MACF1: variants seen among roughly 807,000 people sequenced by gnomAD.
MACF1 encodes microtubule-actin cross-linking factor 1.
In MACF1, 193 loss-of-function variants were observed where a neutral mutation model predicts 854.8. The ratio of observed to expected loss-of-function variants is 0.23; its 90% CI spans 0.20 to 0.25. The LOEUF (loss-of-function observed/expected upper bound fraction) is 0.25, where lower values mean the gene tolerates loss of function less well. MACF1 is among the 10% of genes least tolerant of loss of function. The probability of loss-of-function intolerance (pLI) is 1.00; values close to 1 mark genes in which losing one functional copy is unlikely to be tolerated. For missense variants in MACF1, 7,722 were observed against 8,929.1 expected (o/e 0.86, Z 5.45); for synonymous variants, 3,185 against 3,226.7 (o/e 0.99, Z 0.44).
Position 39,439,474 on chromosome 1 carries a change from A to C in MACF1, c.18421A>C (p.Ile6141Leu). The C allele has an allele frequency of 6.2e-7, 1 of 1,614,182 alleles. No individual in the cohort carries two copies. The highest frequency in any genetic ancestry group is 8.5e-7 in the Non-Finnish European group (1 of 1,179,968). Residue 6141 changes from isoleucine to leucine, a missense_variant, in exon 72 of 101, where the codon ATC (isoleucine) becomes CTC (leucine). Transcript: ENST00000564288. ...LESPGIDPSI[I>L]KQQVEAAETI... The stretch of plus-strand genomic sequence containing the variant: ...AAGCCCAGGCATTGATCCTTCCATC[A>C]TCAAACAACAGGTTGAAGCTGCTGA...
At chr1:39,407,608 T>C (rs745421656) in intron 58 of MACF1, among the ~76,000 whole-genome samples, 5 of 152,172 alleles carry the variant, frequency 3.3e-5, no homozygotes, top group Non-Finnish European at 7.4e-5. Context: ...GTAAAGCATT[T>C]TACCAGAGAA....
At chr1:39,406,756 A>AAAAAAAAAAAAAACAAC (rs746955922) in intron 58 of MACF1, among the ~76,000 whole-genome samples, 1 of 116,058 alleles carries the variant, frequency 8.6e-6, no homozygotes, top group African/African-American at 3.8e-5. Context: ...AAAAAAAAAA[A>AAAAAAAAAAAAAACAAC]AACATTCTTT....
At chr1:39,155,944 G>A (rs1643674906) in intron 2 of MACF1, among the ~76,000 whole-genome samples, 1 of 151,138 alleles carries the variant, frequency 6.6e-6, no homozygotes, top group African/African-American at 2.4e-5. Context: ...CTGGAGTGCA[G>A]TGGCGCGATC....
chr1:39,189,445 G>T (rs768701735), intron 2 of MACF1, among the ~76,000 whole-genome samples: 2 of 152,276 alleles, frequency 1.3e-5, no homozygotes, highest in Middle Eastern at 3.4e-3. Flanking sequence ...TATTAAATTT[G>T]TGATGGATAC....
At chr1:39,354,523 G>T (rs981552661) in intron 44 of MACF1, among the ~76,000 whole-genome samples, 53 of 152,224 alleles carry the variant, frequency 3.5e-4, no homozygotes, top group African/African-American at 1.2e-3. Flanking sequence ...TCATGCATCA[G>T]CCTCCCAAGT....
chr1:39,318,369 C>A, intron 29 of MACF1, 84 bp from the exon 30 acceptor site: 1 of 1,252,068 alleles, frequency 8.0e-7, no homozygotes, highest in Non-Finnish European at 1.1e-6. Flanking sequence ...CAGCTGGATA[C>A]ATGGGTTAAA....
Position 39,333,483 on chromosome 1 carries a change from C to T in MACF1, c.6895C>T (p.His2299Tyr). 6.2e-7 allele frequency: 1 copy of T among 1,614,148 alleles called. No individual in the cohort carries two copies. Among genetic ancestry groups the T allele is most frequent in the African/African-American group, 1.3e-5 (1 of 75,036 alleles). The change falls in exon 37 of 101, where the codon CAT becomes TAT. Residue 2299 changes from histidine to tyrosine, a missense_variant. Physicochemically the swap from His to Tyr is moderately conservative, Grantham distance 83 (BLOSUM62 2). Coordinates refer to ENST00000564288, the MANE Select transcript of MACF1 (RefSeq NM_001394062.1). ...SAQLLDGGIFHEQTGQKLLLN... is the reference protein window; with the variant it reads ...SAQLLDGGIFYEQTGQKLLLN... Reference sequence around the variant, plus strand: ...ACAGTTACTAGATGGTGGTATCTTTCATGAACAAACAGGTCAAAAGCTCTT... The same window carrying T: ...ACAGTTACTAGATGGTGGTATCTTTTATGAACAAACAGGTCAAAAGCTCTT...
Position 39,332,562 on chromosome 1 carries a change from C to G in MACF1, c.5974C>G (p.Leu1992Val), listed in dbSNP as rs749622327. ...GTTAGATAAAGAGCTGATGGAGACA[C>G]TAACATCCAGAGATGAGTATCAAAC... ...LLLDKELMET[L>V]TSRDEYQTSP... The change falls in exon 37 of 101, where the codon CTA becomes GTA. Residue 1992 changes from leucine (L) to valine (V), a missense_variant. Transcript: ENST00000564288. 5 of 1,614,114 alleles carry G rather than the reference C, an allele frequency of 3.1e-6. No homozygotes were observed. The highest frequency in any genetic ancestry group is 1.3e-5 in the African/African-American group (1 of 75,028).
At chr1:39,260,690 G>C (rs1482635815) in intron 6 of MACF1, 1 of 152,048 alleles carries the variant, frequency 6.6e-6, no homozygotes, top group African/African-American at 2.4e-5. Context: ...TTTTCTGTGG[G>C]CAGAGCTAGG....
chr1:39,430,278 T>C (rs1643855751), intron 65 of MACF1, among the ~76,000 whole-genome samples: 1 of 152,082 alleles, frequency 6.6e-6, no homozygotes, highest in South Asian at 2.1e-4. Context: ...TTGTAACATT[T>C]TAACCTCTAT....
intron 38 of MACF1, 73 bp from the exon 39 acceptor site, chr1:39,340,429 A>T (rs994581533): frequency 3.7e-5 from 39 of 1,065,776 alleles, no homozygotes; most frequent in Middle Eastern, 4.6e-4. Context: ...GGTGAGAGAG[A>T]AATGTGTTCA....
chr1:39,323,123 T>G (rs1646543587), intron 33 of MACF1, 115 bp downstream of exon 33: 2 of 912,226 alleles, frequency 2.2e-6, no homozygotes, highest in Non-Finnish European at 1.8e-6. Context: ...GAGGATTACT[T>G]GAGTCTAGGA....
intron 97 of MACF1, among the ~76,000 whole-genome samples, chr1:39,470,800 G>A (rs1570199314): frequency 6.6e-6 from 1 of 152,076 alleles, no homozygotes; most frequent in African/African-American, 2.4e-5. Flanking sequence ...TATGAATAAG[G>A]TCCTATTTTT....
Position 39,448,070 on chromosome 1 carries a change from A to G in MACF1, c.20006A>G (p.Glu6669Gly). 6.2e-7 allele frequency: 1 copy of G among 1,614,162 alleles called. No individual in the cohort carries two copies. The change falls in exon 83 of 101, where the codon GAA (glutamate) becomes GGA (glycine). Residue 6669 changes from glutamate to glycine, a missense_variant. Coordinates refer to ENST00000564288, the MANE Select transcript of MACF1 (RefSeq NM_001394062.1). Reference sequence around the variant, plus strand: ...TGGAAAAAACTGATTGACTGGCTAGAAGATGCAGAGAGTCACCTGGACTCA... The same window carrying G: ...TGGAAAAAACTGATTGACTGGCTAGGAGATGCAGAGAGTCACCTGGACTCA... ...EAWKKLIDWL[E>G]DAESHLDSEL...
intron 1 of MACF1, among the ~76,000 whole-genome samples, chr1:39,208,978 G>A (rs567140320): frequency 2.0e-4 from 31 of 151,986 alleles, no homozygotes; most frequent in African/African-American, 7.0e-4. Flanking sequence ...ATGGCCGTGC[G>A]CAGTGGCTCA....
intron 1 of MACF1, 81 bp from the exon 2 acceptor site, chr1:39,231,101 G>C (rs957887812): frequency 1.7e-5 from 17 of 1,013,190 alleles, no homozygotes; most frequent in Non-Finnish European, 2.3e-5. Flanking sequence ...TAGAGAAACA[G>C]AGATGTGGGC....
At position 39,250,108 on chromosome 1, in the gene MACF1, G is replaced by A; in HGVS notation, c.261+5G>A. 1 of 1,603,096 alleles carries A rather than the reference G, an allele frequency of 6.2e-7. No homozygotes were observed. The highest frequency in any genetic ancestry group is 8.5e-7 in the Non-Finnish European group (1 of 1,170,292). On this transcript the variant is annotated splice_donor_5th_base_variant and intron_variant, in intron 3 of 100. Coordinates refer to ENST00000564288, the MANE Select transcript of MACF1 (RefSeq NM_001394062.1). The stretch of plus-strand genomic sequence containing the variant: ...GTCCTCTCAGGCATCAAACTGGTGA[G>A]CTTCTCCTAATGAATGGCCTCACAA...
At chr1:39,312,708 C>T (rs139484564) in intron 26 of MACF1, among the ~76,000 whole-genome samples, 35 of 152,160 alleles carry the variant, frequency 2.3e-4, no homozygotes, top group African/African-American at 8.4e-4. Context: ...GCCTGTAATC[C>T]CAGCTATTCA....
upstream of MACF1, among the ~76,000 whole-genome samples, chr1:39,201,406 G>A (rs189402708): frequency 3.9e-3 from 599 of 152,220 alleles, 2 homozygotes; most frequent in Non-Finnish European, 6.1e-3. Context: ...CACCCAGGCT[G>A]GAGTGGCGCG....
Sources: gnomAD v4.1 joint callset for allele counts (sites outside exome capture counted in the v4.1 genomes callset) on GRCh38, gnomAD v4.1.1 for gene constraint, MANE v1.5 for transcripts, NCBI Gene and HGNC (gene_info 2026-07-23, HGNC 2026-07-21) for gene names.